HDAC9: variants seen among roughly 807,000 people sequenced by gnomAD.
HDAC9 encodes histone deacetylase 9, also known as MEF-2 interacting transcription repressor (MITR) protein.
In HDAC9, 41 loss-of-function variants were observed where a neutral mutation model predicts 139.4. The ratio of observed to expected loss-of-function variants is 0.29; its 90% CI spans 0.23 to 0.38. HDAC9 has a LOEUF of 0.38. HDAC9 is among the 10% of genes least tolerant of loss of function. The pLI, the probability that HDAC9 is intolerant of heterozygous loss-of-function variation, is 1.00. For synonymous variants in HDAC9, 517 were observed against 476.2 expected (o/e 1.09, Z -1.12); for missense variants, 1,147 against 1,297.0 (o/e 0.88, Z 1.78).
chr7:18,975,773 AT>A (rs1390919249), intron 24 of HDAC9, 32 bp from the exon 25 acceptor site: 4 of 1,606,452 alleles, frequency 2.5e-6, no homozygotes, highest in Non-Finnish European at 3.4e-6. Flanking sequence ...TGTAATTACA[AT>A]TCTTATGAAG....
At chr7:18,347,702 A>T (rs1782528644) in intron 1 of HDAC9, among the ~76,000 whole-genome samples, 1 of 151,974 alleles carries the variant, frequency 6.6e-6, no homozygotes, top group South Asian at 2.1e-4. Flanking sequence ...GATTTAAGTG[A>T]TTCTCCTGCT....
chr7:18,390,253 T>G (rs945396617), intron 1 of HDAC9, among the ~76,000 whole-genome samples: 5 of 152,038 alleles, frequency 3.3e-5, no homozygotes, highest in Admixed American at 1.3e-4. Flanking sequence ...AATTCAGTAG[T>G]GTTTGCATGG....
At chr7:18,845,304 G>T (rs1364572427) in intron 21 of HDAC9, among the ~76,000 whole-genome samples, 2 of 152,052 alleles carry the variant, frequency 1.3e-5, no homozygotes, top group African/African-American at 4.8e-5. Flanking sequence ...GAGAGAGAGG[G>T]TGAGTCTGGC....
intron 1 of HDAC9, among the ~76,000 whole-genome samples, chr7:18,459,804 T>G (rs1174794405): frequency 1.3e-5 from 2 of 152,182 alleles, no homozygotes; most frequent in African/African-American, 4.8e-5. Flanking sequence ...CTTTTCTTCC[T>G]GTCCTCATAT....
At chr7:18,582,144 T>C (rs1358682949) in intron 2 of HDAC9, among the ~76,000 whole-genome samples, 2 of 152,214 alleles carry the variant, frequency 1.3e-5, no homozygotes, top group Admixed American at 6.5e-5. Context: ...TTAGCCTTTT[T>C]TTACTCACTG....
In HDAC9 at chr7:18,372,537, A is replaced by G. The variant is rs951092821; in HGVS notation, c.-42+82022A>G. On this transcript the variant is annotated intron_variant, in intron 1 of 3. Coordinates refer to the HDAC9 transcript ENST00000413509. ...TTAAAGGCTTTGGCTTGCTTAGTATAGACACTTCTTCCCACTCCTAGTGTC... is the reference window on the plus strand; with the variant it reads ...TTAAAGGCTTTGGCTTGCTTAGTATGGACACTTCTTCCCACTCCTAGTGTC... Among the ~76,000 whole-genome samples the G allele has an allele frequency of 1.8e-4, 28 of 152,198 alleles. 1 individual carries two copies. The East Asian group carries it at 4.0e-3, about 22-fold the overall frequency.
At chr7:18,919,716 C>A (rs1004438273) in intron 22 of HDAC9, among the ~76,000 whole-genome samples, 4 of 152,010 alleles carry the variant, frequency 2.6e-5, no homozygotes, top group Non-Finnish European at 5.9e-5. Context: ...CCTGGAATAA[C>A]AATGTATACT....
At chr7:18,514,486 A>G (rs1802548936) in intron 2 of HDAC9, among the ~76,000 whole-genome samples, 1 of 152,254 alleles carries the variant, frequency 6.6e-6, no homozygotes, top group East Asian at 1.9e-4. Flanking sequence ...TTTGGGCTAA[A>G]ATAGAAATTT....
chr7:18,974,120 A>G (rs1431624872), intron 24 of HDAC9, among the ~76,000 whole-genome samples: 3 of 151,728 alleles, frequency 2.0e-5, no homozygotes, highest in African/African-American at 7.3e-5. Context: ...AAACACAGAG[A>G]CTCCAGTCTC....
chr7:18,751,097 A>G (rs985467562), intron 14 of HDAC9, among the ~76,000 whole-genome samples: 3 of 152,168 alleles, frequency 2.0e-5, no homozygotes, highest in Non-Finnish European at 4.4e-5. Flanking sequence ...TAGAAAGTCT[A>G]TTATCATCCT....
chr7:18,369,859 C>G (rs1216532444), intron 1 of HDAC9, among the ~76,000 whole-genome samples: 3 of 151,968 alleles, frequency 2.0e-5, no homozygotes, highest in African/African-American at 7.3e-5. Context: ...AACTGCTGCT[C>G]TGAGGGGAAA....
chr7:18,463,859 T>A (rs1256764749), intron 1 of HDAC9, among the ~76,000 whole-genome samples: 1 of 151,920 alleles, frequency 6.6e-6, no homozygotes, highest in African/African-American at 2.4e-5. Flanking sequence ...AACCCACAGA[T>A]GTTATCTGTT....
At chr7:18,884,122 C>T (rs913480855) in intron 22 of HDAC9, among the ~76,000 whole-genome samples, 1 of 152,060 alleles carries the variant, frequency 6.6e-6, no homozygotes, top group Admixed American at 6.6e-5. Flanking sequence ...TACATAGTGC[C>T]CAAAGCTATC....
chr7:18,470,028 A>G, intron 1 of HDAC9, among the ~76,000 whole-genome samples: 1 of 152,100 alleles, frequency 6.6e-6, no homozygotes, highest in Non-Finnish European at 1.5e-5. Context: ...TAAGACAAGT[A>G]TATATATTTT....
intron 1 of HDAC9, among the ~76,000 whole-genome samples, chr7:18,420,698 TC>T (rs1446572759): frequency 6.6e-6 from 1 of 152,140 alleles, no homozygotes; most frequent in Non-Finnish European, 1.5e-5. Flanking sequence ...AAAAATAATA[TC>T]CCTGATCTTA....
At chr7:18,972,336 A>G (rs1005962414) in intron 24 of HDAC9, among the ~76,000 whole-genome samples, 38 of 141,438 alleles carry the variant, frequency 2.7e-4, no homozygotes, top group Non-Finnish European at 2.9e-4. Flanking sequence ...AGCTGGAAAT[A>G]CTTTTAGTTA....
intron 13 of HDAC9, among the ~76,000 whole-genome samples, chr7:18,745,290 T>C (rs1157740029): frequency 2.6e-5 from 4 of 152,198 alleles, no homozygotes; most frequent in Non-Finnish European, 5.9e-5. Context: ...TTCCAGATTG[T>C]ATATATTTCC....
chr7:18,858,600 A>C (rs559523575), intron 21 of HDAC9, among the ~76,000 whole-genome samples: 11 of 152,256 alleles, frequency 7.2e-5, no homozygotes, highest in African/African-American at 2.6e-4. Context: ...TTATGTTAAC[A>C]TTTCCTATCT....
intron 1 of HDAC9, among the ~76,000 whole-genome samples, chr7:18,399,213 G>T (rs1278742602): frequency 2.0e-5 from 3 of 152,150 alleles, no homozygotes; most frequent in African/African-American, 7.2e-5. Context: ...GGTCAGTGGT[G>T]TGTGGCAAAG....
Sources: gnomAD v4.1 joint callset for allele counts (sites outside exome capture counted in the v4.1 genomes callset) on GRCh38, gnomAD v4.1.1 for gene constraint, MANE v1.5 for transcripts, NCBI Gene and HGNC (gene_info 2026-07-23, HGNC 2026-07-21) for gene names.